The following ATOX1 variants were observed in gnomAD, a reference collection of about 807,000 sequenced individuals.
ATOX1 encodes the protein antioxidant 1 copper chaperone.
A neutral mutation model predicts 7.3 loss-of-function variants in ATOX1; 4 were observed. That is an observed-to-expected ratio of 0.55 (90% CI 0.27 to 1.25). The LOEUF is 1.25. Ranked by LOEUF, ATOX1 falls within the 50% of genes most tolerant of loss-of-function variation. The probability of loss-of-function intolerance (pLI) is 0.12; values close to 1 mark genes in which losing one functional copy is unlikely to be tolerated. For missense variants in ATOX1, 68 were observed against 81.6 expected, an observed-to-expected ratio of 0.83 and a Z score of 0.64; for synonymous variants, 25 against 28.7, an observed-to-expected ratio of 0.87 and a Z score of 0.41.
chr5:151,758,589 G>T lies in ATOX1; in HGVS notation c.-38C>A. 1.4e-6 allele frequency: 2 copies of T among 1,409,758 alleles called. No homozygotes were observed. Among genetic ancestry groups the T allele is most frequent in the Admixed American group, 3.0e-5 (1 of 33,750 alleles). 87.3% of individuals were successfully genotyped at this position (1,409,758 alleles called of 1,614,324 possible). A position where few individuals can be genotyped will look rare whatever the true frequency, so the allele number is the denominator to read the frequency against. On this transcript the variant is annotated 5_prime_UTR_variant, in exon 1 of 4. Coordinates refer to ENST00000313115, the MANE Select transcript of ATOX1 (RefSeq NM_004045.4). ...GGCGGTGTGGCGGCGGTGTGGCGGC[G>T]GTGTCAGCAGCGCCTCTCTGGATTC...
intron 1 of ATOX1, among the ~76,000 whole-genome samples, chr5:151,753,512 A>G (rs1325667913): frequency 6.6e-6 from 1 of 152,186 alleles, no homozygotes; most frequent in Non-Finnish European, 1.5e-5. Flanking sequence ...TTTTTCATGG[A>G]GCACTTCAAA....
At chr5:151,752,322 G>T (rs888547721) in intron 1 of ATOX1, 1 of 702,404 alleles carries the variant, frequency 1.4e-6, no homozygotes, top group Non-Finnish European at 2.6e-6. Flanking sequence ...TTCATCCAAG[G>T]GCCGCATTCT....
intron 1 of ATOX1, among the ~76,000 whole-genome samples, chr5:151,755,538 C>T (rs896989501): frequency 6.6e-6 from 1 of 152,138 alleles, no homozygotes; most frequent in African/African-American, 2.4e-5. Context: ...ACTAGAAACA[C>T]ATTTTTAGGG....
intron 1 of ATOX1, among the ~76,000 whole-genome samples, chr5:151,753,201 C>G (rs1761972316): frequency 6.6e-6 from 1 of 152,200 alleles, no homozygotes; most frequent in Non-Finnish European, 1.5e-5. Flanking sequence ...CCAGTCAAGC[C>G]TTCAGATGAA....
chr5:151,758,605 C>G lies in ATOX1; in HGVS notation c.-54G>C, dbSNP rs1447984554. On this transcript the variant is annotated 5_prime_UTR_variant, in exon 1 of 4. Coordinates refer to ENST00000313115, the MANE Select transcript of ATOX1 (RefSeq NM_004045.4). ...TGTGGCGGCGGTGTCAGCAGCGCCT[C>G]TCTGGATTCGGAGGGCGGGTTCGGC... The G allele has an allele frequency of 5.1e-6, 7 of 1,380,038 alleles. No individual in the cohort carries two copies. The highest frequency in any genetic ancestry group is 6.6e-6 in the Non-Finnish European group (7 of 1,058,962). 85.5% of individuals were successfully genotyped at this position (1,380,038 alleles called of 1,614,324 possible).
intron 1 of ATOX1, chr5:151,752,229 G>A: frequency 2.8e-6 from 2 of 702,544 alleles, no homozygotes; most frequent in South Asian, 3.0e-5. Context: ...GTCACCTACA[G>A]CTTGCAAAAA....
At chr5:151,746,475 G>A (rs369479197) in intron 2 of ATOX1, 26 bp from the exon 3 acceptor site, 862 of 1,612,790 alleles carry the variant, frequency 5.3e-4, no homozygotes, top group Non-Finnish European at 7.1e-4. Context: ...ATGGGGTATG[G>A]GGAGAGGAAG....
chr5:151,755,755 C>T (rs1238994848), intron 1 of ATOX1, among the ~76,000 whole-genome samples: 1 of 152,142 alleles, frequency 6.6e-6, no homozygotes, highest in Non-Finnish European at 1.5e-5. Flanking sequence ...AAATCTATTT[C>T]ATGGACAGAG....
Position 151,758,586 on chromosome 5 carries a change from G to GGCGGTGTCAGCA in ATOX1, c.-47_-36dup, listed in dbSNP as rs776610933. 3 of 1,413,538 alleles carry GGCGGTGTCAGCA rather than the reference G, an allele frequency of 2.1e-6. No homozygotes were observed. The African/African-American group carries it at 4.5e-5, about 21-fold the overall frequency. 87.6% of individuals were successfully genotyped at this position (1,413,538 alleles called of 1,614,324 possible). On this transcript the variant is annotated 5_prime_UTR_variant, in exon 1 of 4. Coordinates refer to ENST00000313115, the MANE Select transcript of ATOX1 (RefSeq NM_004045.4). ...AGCGGCGGTGTGGCGGCGGTGTGGC[G>GGCGGTGTCAGCA]GCGGTGTCAGCAGCGCCTCTCTGGA...
chr5:151,754,683 T>C (rs1306636068), intron 1 of ATOX1, among the ~76,000 whole-genome samples: 3 of 151,742 alleles, frequency 2.0e-5, no homozygotes, highest in Admixed American at 2.0e-4. Flanking sequence ...AAGAGTTTTG[T>C]TAAAACATAG....
At chr5:151,752,282 T>G (rs192668651) in intron 1 of ATOX1, 1 of 702,602 alleles carries the variant, frequency 1.4e-6, no homozygotes, top group African/African-American at 1.7e-5. Context: ...GAATCTGTTA[T>G]GTCTACTCAT....
chr5:151,750,779 C>T (rs937318017), intron 2 of ATOX1, among the ~76,000 whole-genome samples: 1 of 150,962 alleles, frequency 6.6e-6, no homozygotes, highest in African/African-American at 2.4e-5. Context: ...CCTAAATTAG[C>T]TGTGAGTACA....
intron 1 of ATOX1, among the ~76,000 whole-genome samples, chr5:151,753,133 T>C (rs1761971481): frequency 6.6e-6 from 1 of 152,332 alleles, no homozygotes; most frequent in South Asian, 2.1e-4. Context: ...AGTGAGAGAT[T>C]GAACCCTCGA....
At chr5:151,746,730 C>G (rs982398924) in intron 2 of ATOX1, among the ~76,000 whole-genome samples, 10 of 152,136 alleles carry the variant, frequency 6.6e-5, no homozygotes, top group African/African-American at 2.4e-4. Context: ...GTGCTGATCT[C>G]TGTTCTATAC....
chr5:151,750,854 T>C (rs1761940736), intron 2 of ATOX1, among the ~76,000 whole-genome samples: 1 of 151,858 alleles, frequency 6.6e-6, no homozygotes, highest in Non-Finnish European at 1.5e-5. Context: ...TTTTACCATG[T>C]TGCCCAGGCT....
chr5:151,751,895 G>T, intron 1 of ATOX1, 116 bp from the exon 2 acceptor site: 2 of 1,023,968 alleles, frequency 2.0e-6, no homozygotes, highest in Non-Finnish European at 2.9e-6. Flanking sequence ...GGCAGGACCT[G>T]GTTGGCATCA....
In ATOX1 at chr5:151,758,563, C is replaced by CGGCGGTGTGGG. The variant is rs760480392; in HGVS notation, c.-13_-12insCCCACACCGCC. The stretch of plus-strand genomic sequence containing the variant: ...CCACTCACCGGCATGACTGAGGCAG[C>CGGCGGTGTGGG]GGCGGTGTGGCGGCGGTGTGGCGGC... On this transcript the variant is annotated 5_prime_UTR_variant, in exon 1 of 4. Transcript: ENST00000313115. The CGGCGGTGTGGG allele has an allele frequency of 2.8e-6, 4 of 1,421,356 alleles. No homozygotes were observed. The highest frequency in any genetic ancestry group is 3.7e-6 in the Non-Finnish European group (4 of 1,081,322). The allele number at this position is 1,421,356 out of a possible 1,614,324, so 88.0% of individuals were successfully genotyped here. A position where few individuals can be genotyped will look rare whatever the true frequency, so the allele number is the denominator to read the frequency against.
At chr5:151,751,223 T>G (rs901488270) in intron 2 of ATOX1, among the ~76,000 whole-genome samples, 7 of 133,776 alleles carry the variant, frequency 5.2e-5, no homozygotes, top group African/African-American at 2.1e-4. Flanking sequence ...ACCATTGCAC[T>G]CCAGGCTGAG....
In ATOX1 at chr5:151,758,575, G is replaced by A. The variant is rs1206424508; in HGVS notation, c.-24C>T. 7.1e-7 allele frequency: 1 copy of A among 1,415,210 alleles called. No homozygotes were observed. The highest frequency in any genetic ancestry group is 9.3e-7 in the Non-Finnish European group (1 of 1,079,244). The allele number at this position is 1,415,210 out of a possible 1,614,324, so 87.7% of individuals were successfully genotyped here. ...ATGACTGAGGCAGCGGCGGTGTGGC[G>A]GCGGTGTGGCGGCGGTGTCAGCAGC... On this transcript the variant is annotated 5_prime_UTR_variant, in exon 1 of 4. Transcript: ENST00000313115.
Sources: allele counts gnomAD v4.1 joint callset (sites outside exome capture counted in the v4.1 genomes callset), GRCh38; gene constraint gnomAD v4.1.1; transcripts MANE v1.5; gene names NCBI Gene and HGNC (gene_info 2026-07-23, HGNC 2026-07-21).